The following ITGB3BP variants were observed in gnomAD, a reference collection of about 807,000 sequenced individuals.
The protein encoded by ITGB3BP is centromere protein R.
A neutral mutation model predicts 29.1 loss-of-function variants in ITGB3BP; 27 were observed. The observed-to-expected ratio is 0.93, with a 90% CI of 0.68 to 1.28. The LOEUF (loss-of-function observed/expected upper bound fraction) is 1.28, where lower values mean the gene tolerates loss of function less well. ITGB3BP is among the 50% of genes most tolerant of loss of function. ITGB3BP has a pLI of 0.00. For missense variants in ITGB3BP, 192 were observed against 200.2 expected (o/e 0.96, Z 0.25); for synonymous variants, 61 against 61.4 (o/e 0.99, Z 0.03).
intron 7 of ITGB3BP, chr1:63,449,770 C>T (rs1644837278): frequency 6.5e-6 from 1 of 154,430 alleles, no homozygotes; most frequent in South Asian, 2.0e-4. Flanking sequence ...TCCTAAAAGT[C>T]GTCACGTCTA....
Position 63,454,334 on chromosome 1 carries a change from G to A in ITGB3BP, c.427+46C>T. 1.1e-6 allele frequency: 1 copy of A among 945,648 alleles called. No individual in the cohort carries two copies. Among genetic ancestry groups the A allele is most frequent in the East Asian group, 2.5e-5 (1 of 39,644 alleles). The allele number at this position is 945,648 out of a possible 1,614,324, so 58.6% of individuals were successfully genotyped here. On this transcript the variant is annotated intron_variant, in intron 6 of 8. Transcript: ENST00000271002. The surrounding 1 kb of genome is among the most constrained non-coding windows in gnomAD (Gnocchi z 4.1). Reference sequence around the variant, plus strand: ...CAAATGTAAATGAGACAAATTAATAGGTTTATCTTTAAAATTACTGTCATT... The same window carrying A: ...CAAATGTAAATGAGACAAATTAATAAGTTTATCTTTAAAATTACTGTCATT...
chr1:63,478,752 TAACA>T lies in ITGB3BP; in HGVS notation c.254+8_254+11del, dbSNP rs1369358595. 2 of 1,324,496 alleles carry T rather than the reference TAACA, an allele frequency of 1.5e-6. No individual in the cohort carries two copies. Among genetic ancestry groups the T allele is most frequent in the Non-Finnish European group, 2.1e-6 (2 of 956,190 alleles). 82.0% of individuals were successfully genotyped at this position (1,324,496 alleles called of 1,614,324 possible). A position where few individuals can be genotyped will look rare whatever the true frequency, so the allele number is the denominator to read the frequency against. On this transcript the variant is annotated splice_region_variant and intron_variant, in intron 4 of 8. Transcript: ENST00000271002. The stretch of plus-strand genomic sequence containing the variant: ...AGATACACATATATAATTTCAAAAA[TAACA>T]AACTTACTCATCATTGTCTTTTGTT...
At chr1:63,457,592 T>C (rs1229778771) in intron 4 of ITGB3BP, 1 of 152,174 alleles carries the variant, frequency 6.6e-6, no homozygotes, top group Non-Finnish European at 1.5e-5. Flanking sequence ...TCAAGTTCAT[T>C]ATGGTACAAA....
intron 2 of ITGB3BP, among the ~76,000 whole-genome samples, chr1:63,503,950 G>A (rs1646006042): frequency 6.7e-6 from 1 of 150,286 alleles, no homozygotes; most frequent in African/African-American, 2.5e-5. Flanking sequence ...GTAGCGTGAT[G>A]CCTCTGGCTT....
chr1:63,460,692 T>C (rs1187410708), intron 4 of ITGB3BP, among the ~76,000 whole-genome samples: 1 of 152,228 alleles, frequency 6.6e-6, no homozygotes, highest in Non-Finnish European at 1.5e-5. Context: ...GGTAATTATA[T>C]GTTTAACTTT....
intron 3 of ITGB3BP, among the ~76,000 whole-genome samples, chr1:63,485,428 CT>C (rs34768095): frequency 0.4 from 59,746 of 149,316 alleles, 13,465 homozygotes; most frequent in Non-Finnish European, 0.52. Flanking sequence ...AATTGTTTGA[CT>C]TTTTTTTTTC....
chr1:63,474,963 G>C (rs1044437722), intron 4 of ITGB3BP, among the ~76,000 whole-genome samples: 1 of 152,032 alleles, frequency 6.6e-6, no homozygotes, highest in African/African-American at 2.4e-5. Context: ...AATGTGAAAT[G>C]TTGTTTATTG....
chr1:63,493,140 C>T (rs1645700544), intron 2 of ITGB3BP, among the ~76,000 whole-genome samples: 1 of 151,642 alleles, frequency 6.6e-6, no homozygotes, highest in Middle Eastern at 3.2e-3. Context: ...TAATAATTTA[C>T]AACTGCTGGC....
At chr1:63,506,223 G>A (rs1325780327) in intron 2 of ITGB3BP, among the ~76,000 whole-genome samples, 1 of 152,108 alleles carries the variant, frequency 6.6e-6, no homozygotes, top group African/African-American at 2.4e-5. Flanking sequence ...ATATATTTAG[G>A]ATAGTTAGCT....
At chr1:63,503,578 G>C (rs1012044110) in intron 2 of ITGB3BP, among the ~76,000 whole-genome samples, 3 of 152,160 alleles carry the variant, frequency 2.0e-5, no homozygotes, top group African/African-American at 7.2e-5. Flanking sequence ...TAGACATGAA[G>C]TCCTTGCCCA....
At chr1:63,496,449 A>C (rs1645790223) in intron 2 of ITGB3BP, among the ~76,000 whole-genome samples, 2 of 152,132 alleles carry the variant, frequency 1.3e-5, no homozygotes, top group African/African-American at 4.8e-5. Flanking sequence ...CCAGCAGGCC[A>C]ACTGAACTTG....
intron 2 of ITGB3BP, among the ~76,000 whole-genome samples, chr1:63,506,253 C>G (rs1016364835): frequency 6.6e-6 from 1 of 152,132 alleles, no homozygotes; most frequent in African/African-American, 2.4e-5. Flanking sequence ...GAATTGATCC[C>G]TTTACCATTA....
rs145383244 is a variant in ITGB3BP, at chr1:63,479,248, C to T, written c.185-415G>A. ...GTTAACAACAAGGGATTGGTGATAC[C>T]GATACTCAGAAAATAGTTAAGTTCC... On this transcript the variant is annotated intron_variant, in intron 3 of 8. Transcript: ENST00000271002. Among the ~76,000 whole-genome samples the T allele has an allele frequency of 4.0e-3, 602 of 151,762 alleles. 4 individuals are homozygous for T. Among genetic ancestry groups the T allele is most frequent in the African/African-American group, 0.013 (549 of 41,382 alleles).
chr1:63,465,939 G>A (rs1314289809), intron 4 of ITGB3BP, among the ~76,000 whole-genome samples: 1 of 151,462 alleles, frequency 6.6e-6, no homozygotes, highest in Non-Finnish European at 1.5e-5. Flanking sequence ...CACCAATTAT[G>A]ACTTTTCTCT....
At chr1:63,490,791 G>A (rs1645628756) in intron 2 of ITGB3BP, among the ~76,000 whole-genome samples, 1 of 152,104 alleles carries the variant, frequency 6.6e-6, no homozygotes, top group Non-Finnish European at 1.5e-5. Flanking sequence ...GTTTCCATAG[G>A]TGTTGGGCAT....
At position 63,478,797 on chromosome 1, in the gene ITGB3BP, T is replaced by C. The variant is rs1251136677; in HGVS notation, c.221A>G (p.Glu74Gly). ...GTCTTTTGTTGTAGATTCTTTGCTT[T>C]CAGTTAAACTGGGGTGATTCAATTT... ...RKKLNHPSLT[E>G]SKESTTKDND... Residue 74 changes from glutamate (E) to glycine (G), a missense_variant, in exon 4 of 9, where the codon GAA becomes GGA. By Grantham distance (98) the Glu-to-Gly change is moderately conservative (BLOSUM62 -2). Coordinates refer to ENST00000271002, the MANE Select transcript of ITGB3BP (RefSeq NM_014288.5). 1 of 1,463,558 alleles carries C rather than the reference T, an allele frequency of 6.8e-7. No homozygotes were observed. The highest frequency in any genetic ancestry group is 2.5e-5 in the East Asian group (1 of 40,460). 90.7% of individuals were successfully genotyped at this position (1,463,558 alleles called of 1,614,324 possible).
At chr1:63,469,807 C>T (rs1273029272) in intron 4 of ITGB3BP, among the ~76,000 whole-genome samples, 4 of 152,186 alleles carry the variant, frequency 2.6e-5, no homozygotes, top group African/African-American at 9.7e-5. Context: ...GGGAACAAGC[C>T]CCCCAAAATC....
In ITGB3BP at chr1:63,465,036, G is replaced by C. The variant is rs371175360; in HGVS notation, c.255-10068C>G. On this transcript the variant is annotated intron_variant, in intron 4 of 8. Coordinates refer to ENST00000271002, the MANE Select transcript of ITGB3BP (RefSeq NM_014288.5). ...ATAAAGAACATTACTAGGAAAATTT[G>C]AATTTGGACTATACACTAGATAACA... Among the ~76,000 whole-genome samples, 33 of 152,104 alleles carry C rather than the reference G, an allele frequency of 2.2e-4. No homozygotes were observed. In the East Asian group the frequency reaches 2.9e-3, roughly 13 times the overall value.
intron 1 of ITGB3BP, among the ~76,000 whole-genome samples, chr1:63,514,288 T>C (rs999815052): frequency 6.6e-6 from 1 of 152,220 alleles, no homozygotes; most frequent in African/African-American, 2.4e-5. Flanking sequence ...TTTTAGTTTT[T>C]AGCCATTATG....
Sources: gnomAD v4.1 joint callset for allele counts (sites outside exome capture counted in the v4.1 genomes callset) on GRCh38, gnomAD v4.1.1 for gene constraint, Gnocchi (gnomAD v3.1) non-coding constraint, MANE v1.5 for transcripts, NCBI Gene and HGNC (gene_info 2026-07-23, HGNC 2026-07-21) for gene names.